Variants in USP34 observed in about 807,000 individuals in gnomAD.
USP34 encodes the protein ubiquitin carboxyl-terminal hydrolase 34.
In USP34, 70 loss-of-function variants were observed where a neutral mutation model predicts 460.3. The observed-to-expected ratio is 0.15, with a 90% confidence interval of 0.13 to 0.19. The LOEUF is 0.19. USP34 is among the 10% of genes least tolerant of loss of function. The pLI, the probability that USP34 is intolerant of heterozygous loss-of-function variation, is 1.00. For synonymous variants in USP34, 1,647 were observed against 1,405.3 expected (o/e 1.17, Z -3.85); for missense variants, 3,985 against 4,236.2 (o/e 0.94, Z 1.65).
intron 73 of USP34, 35 bp from the exon 74 acceptor site, chr2:61,204,415 G>T (rs370822209): frequency 1.1e-5 from 17 of 1,612,552 alleles, no homozygotes; most frequent in Non-Finnish European, 1.4e-5. Context: ...AGAATAAATG[G>T]AAAAAATAAA....
At chr2:61,234,385 G>A (rs1688002768) in intron 57 of USP34, among the ~76,000 whole-genome samples, 1 of 152,192 alleles carries the variant, frequency 6.6e-6, no homozygotes, top group African/African-American at 2.4e-5. Context: ...TGATTAAGCT[G>A]TCATTACCTT....
At chr2:61,415,864 TTA>T (rs1344372335) in intron 2 of USP34, among the ~76,000 whole-genome samples, 1 of 152,222 alleles carries the variant, frequency 6.6e-6, no homozygotes, top group East Asian at 1.9e-4. Context: ...TAAAATGCAC[TTA>T]TGTTTTTAAA....
chr2:61,344,859 T>A (rs1389939463), intron 15 of USP34, among the ~76,000 whole-genome samples: 1 of 152,206 alleles, frequency 6.6e-6, no homozygotes, highest in Non-Finnish European at 1.5e-5. Flanking sequence ...GAGATATTTT[T>A]GGTTGTCAAA....
At chr2:61,468,318 G>T (rs951454360) in intron 1 of USP34, among the ~76,000 whole-genome samples, 3 of 152,172 alleles carry the variant, frequency 2.0e-5, no homozygotes, top group Admixed American at 2.0e-4. Context: ...CCAGTAGCTG[G>T]GATTACAAGC....
intron 44 of USP34, among the ~76,000 whole-genome samples, chr2:61,259,132 G>A (rs865900491): frequency 1.1e-4 from 16 of 151,948 alleles, no homozygotes; most frequent in African/African-American, 3.9e-4. Context: ...GGTGGTGTGC[G>A]CCTGTAGTCC....
chr2:61,435,623 G>A (rs1032348655), intron 1 of USP34, among the ~76,000 whole-genome samples: 1 of 152,104 alleles, frequency 6.6e-6, no homozygotes, highest in African/African-American at 2.4e-5. Flanking sequence ...AGCAAGCAAG[G>A]AACAAAGGAT....
chr2:61,263,486 CT>C (rs762461093), intron 43 of USP34, among the ~76,000 whole-genome samples: 394 of 137,280 alleles, frequency 2.9e-3, no homozygotes, highest in Non-Finnish European at 2.4e-3. Flanking sequence ...TGGCCAAAGG[CT>C]TTTTTTTTTT....
chr2:61,269,867 G>A (rs1406831923), intron 41 of USP34, among the ~76,000 whole-genome samples: 4 of 151,960 alleles, frequency 2.6e-5, no homozygotes, highest in Admixed American at 2.6e-4. Flanking sequence ...TGAAATCAGG[G>A]TATTTGGAAT....
chr2:61,448,640 C>T (rs1237217893), intron 1 of USP34, among the ~76,000 whole-genome samples: 1 of 152,010 alleles, frequency 6.6e-6, no homozygotes, highest in African/African-American at 2.4e-5. Context: ...AAACTGTTTC[C>T]ATCCATAGAT....
At position 61,280,342 on chromosome 2, in the gene USP34, C is replaced by G; in HGVS notation, c.5158G>C (p.Asp1720His). ...TTTAATATTGGTTCTTCCTCATAAT[C>G]ATCTATCTATTAAAAAAATTTTATA... ...AQALKPIRID[D>H]YEEEPILKPG... The change falls in exon 39 of 80, where the codon GAT becomes CAT. Residue 1720 changes from aspartate (D) to histidine (H), a missense_variant. By Grantham distance (81) the Asp-to-His change is moderately conservative. Coordinates refer to ENST00000398571, the MANE Select transcript of USP34 (RefSeq NM_014709.4). 1 of 1,480,586 alleles carries G rather than the reference C, an allele frequency of 6.8e-7. No individual in the cohort carries two copies. The highest frequency in any genetic ancestry group is 1.5e-5 in the South Asian group (1 of 68,544). The allele number at this position is 1,480,586 out of a possible 1,614,324, so 91.7% of individuals were successfully genotyped here. A position where few individuals can be genotyped will look rare whatever the true frequency, so the allele number is the denominator to read the frequency against.
intron 1 of USP34, among the ~76,000 whole-genome samples, chr2:61,461,159 G>T (rs1224259500): frequency 6.6e-6 from 1 of 151,968 alleles, no homozygotes; most frequent in Non-Finnish European, 1.5e-5. Context: ...GGGAGGCTGA[G>T]GCAGGTGGAT....
chr2:61,282,041 G>A (rs1689550548), intron 37 of USP34, among the ~76,000 whole-genome samples: 2 of 152,162 alleles, frequency 1.3e-5, no homozygotes, highest in South Asian at 4.1e-4. Context: ...CCAGGCTGGA[G>A]TGCAGTGGTG....
Position 61,344,001 on chromosome 2 carries a change from C to A in USP34, c.2314G>T (p.Asp772Tyr). 6.2e-7 allele frequency: 1 copy of A among 1,613,850 alleles called. No homozygotes were observed. Among genetic ancestry groups the A allele is most frequent in the Non-Finnish European group, 8.5e-7 (1 of 1,179,890 alleles). Residue 772 changes from aspartate to tyrosine, a missense_variant, in exon 16 of 80, where the codon GAT becomes TAT. Transcript: ENST00000398571. The part of the protein sequence containing the change: ...GHMVDDMLSA[D>Y]DVSCSSSQVS... ...TGGGAGCTACTACAACTGACATCAT[C>A]TGCACTTAGCATATCATCAACCATA...
chr2:61,261,778 C>G (rs1362290752), intron 43 of USP34, among the ~76,000 whole-genome samples: 1 of 152,036 alleles, frequency 6.6e-6, no homozygotes, highest in Non-Finnish European at 1.5e-5. Flanking sequence ...GCCCACTTGA[C>G]TAGAGTACTT....
chr2:61,270,599 C>T (rs1689184511), intron 41 of USP34, among the ~76,000 whole-genome samples: 1 of 152,038 alleles, frequency 6.6e-6, no homozygotes, highest in South Asian at 2.1e-4. Flanking sequence ...CCATGCCTGG[C>T]TAATTTTTGT....
chr2:61,204,273 T>A lies in USP34; in HGVS notation c.9367A>T (p.Met3123Leu). The A allele has an allele frequency of 6.2e-7, 1 of 1,614,204 alleles. No individual in the cohort carries two copies. The highest frequency in any genetic ancestry group is 2.2e-5 in the East Asian group (1 of 44,884). Residue 3123 changes from methionine to leucine, a missense_variant, in exon 74 of 80, where the codon ATG becomes TTG. Coordinates refer to ENST00000398571, the MANE Select transcript of USP34 (RefSeq NM_014709.4). ...CAACATACCTTACTGGTTTCCACCA[T>A]TGTGGGCAAGAGGCACATATTGAGT... ...PELNMCLLPTMVETSKGKDDV... is the reference protein window; with the variant it reads ...PELNMCLLPTLVETSKGKDDV...
At chr2:61,264,446 G>C (rs1688986901) in intron 43 of USP34, among the ~76,000 whole-genome samples, 1 of 150,696 alleles carries the variant, frequency 6.6e-6, no homozygotes, top group African/African-American at 2.5e-5. Flanking sequence ...ACCAGCCTGG[G>C]CAACACAGTG....
At chr2:61,357,526 G>A (rs1448475509) in intron 10 of USP34, among the ~76,000 whole-genome samples, 1 of 151,994 alleles carries the variant, frequency 6.6e-6, no homozygotes, top group Non-Finnish European at 1.5e-5. Context: ...ACTTAGGGAA[G>A]GAACTACAAG....
chr2:61,424,457 T>A (rs927604784), intron 1 of USP34, among the ~76,000 whole-genome samples: 6 of 152,174 alleles, frequency 3.9e-5, no homozygotes, highest in African/African-American at 1.4e-4. Flanking sequence ...GTAGCCAAAT[T>A]CACAGAAACA....
Sources: allele counts gnomAD v4.1 joint callset (sites outside exome capture counted in the v4.1 genomes callset), GRCh38; gene constraint gnomAD v4.1.1; transcripts MANE v1.5; gene names NCBI Gene and HGNC (gene_info 2026-07-23, HGNC 2026-07-21).